Variants in ZMPSTE24 observed in about 807,000 individuals in gnomAD.
ZMPSTE24 encodes the protein zinc metallopeptidase STE24, also known as CAAX prenyl protease 1 homolog.
A neutral mutation model predicts 56.7 loss-of-function variants in ZMPSTE24; 48 were observed. The observed-to-expected ratio is 0.85, with a 90% CI of 0.67 to 1.08. ZMPSTE24 has a LOEUF of 1.08. ZMPSTE24 is among the 50% of genes least tolerant of loss of function. The probability of loss-of-function intolerance (pLI) is 0.00; values close to 1 mark genes in which losing one functional copy is unlikely to be tolerated. For missense variants in ZMPSTE24, 503 were observed against 548.7 expected (o/e 0.92, Z 0.83); for synonymous variants, 172 against 195.2 (o/e 0.88, Z 0.99).
rs1228283894 is a variant in ZMPSTE24 at position 40,293,489 on chromosome 1, A to G, written c.*820A>G. On this transcript the variant is annotated 3_prime_UTR_variant, in exon 10 of 10. Transcript: ENST00000372759. ...TTCACTCAGCAGAGATGGCCATATT[A>G]AACACGTTTTGCTATGTTAAAAGTG... 6.6e-6 allele frequency: 1 copy of G among 152,210 alleles called. No individual in the cohort carries two copies. Among genetic ancestry groups the G allele is most frequent in the Non-Finnish European group, 1.5e-5 (1 of 68,042 alleles). The allele number at this position is 152,210 out of a possible 1,614,324, so 9.4% of individuals were successfully genotyped here.
chr1:40,262,217 G>A (rs1028362034), intron 2 of ZMPSTE24, among the ~76,000 whole-genome samples: 2 of 152,146 alleles, frequency 1.3e-5, no homozygotes, highest in South Asian at 4.1e-4. Context: ...TAACAAGTAT[G>A]GAATAATAAG....
At chr1:40,289,682 G>T (rs973307852) in intron 8 of ZMPSTE24, among the ~76,000 whole-genome samples, 4 of 152,162 alleles carry the variant, frequency 2.6e-5, no homozygotes, top group African/African-American at 9.7e-5. Context: ...CACAGAAAAA[G>T]AATGTTGTGT....
At chr1:40,263,879 A>G (rs149436358) in intron 2 of ZMPSTE24, among the ~76,000 whole-genome samples, 2 of 152,072 alleles carry the variant, frequency 1.3e-5, no homozygotes, top group Non-Finnish European at 2.9e-5. Flanking sequence ...CACTTTCTCT[A>G]ATATCTCACA....
In ZMPSTE24 at chr1:40,267,747, T is replaced by C. The variant is rs373881313; in HGVS notation, c.271-39T>C. On this transcript the variant is annotated intron_variant, in intron 2 of 9. Transcript: ENST00000372759. ...TGCTTTCTCATATGATAGTTTCTAG[T>C]ACTGTTCAACTGTGATCAAAGTATG... 27 of 1,396,974 alleles carry C rather than the reference T, an allele frequency of 1.9e-5. No homozygotes were observed. The African/African-American group carries it at 3.3e-4, about 17-fold the overall frequency. 86.5% of individuals were successfully genotyped at this position (1,396,974 alleles called of 1,614,324 possible). A position where few individuals can be genotyped will look rare whatever the true frequency, so the allele number is the denominator to read the frequency against.
intron 6 of ZMPSTE24, among the ~76,000 whole-genome samples, chr1:40,278,082 C>T (rs1184869558): frequency 1.3e-5 from 2 of 151,284 alleles, no homozygotes; most frequent in Non-Finnish European, 2.9e-5. Context: ...TTCCTGGCAA[C>T]CAAACCAAAA....
rs1253420880 is a variant in ZMPSTE24 at position 40,293,422 on chromosome 1, A to G, written c.*753A>G. ...GGTAGATATGATCCCATTGGAGGTA[A>G]ATTGTAGCTTCTTCTCATTCATGCA... is the stretch of plus-strand genomic sequence containing the variant. On this transcript the variant is annotated 3_prime_UTR_variant, in exon 10 of 10. Transcript: ENST00000372759. 6.6e-6 allele frequency: 1 copy of G among 152,110 alleles called. No individual in the cohort carries two copies. The highest frequency in any genetic ancestry group is 1.5e-5 in the Non-Finnish European group (1 of 68,026). The allele number at this position is 152,110 out of a possible 1,614,324, so 9.4% of individuals were successfully genotyped here.
At chr1:40,284,516 C>T (rs1643765411) in intron 7 of ZMPSTE24, among the ~76,000 whole-genome samples, 2 of 151,976 alleles carry the variant, frequency 1.3e-5, no homozygotes, top group Admixed American at 6.5e-5. Flanking sequence ...CTTTGGGAGG[C>T]CAAGGCAGGT....
intron 4 of ZMPSTE24, among the ~76,000 whole-genome samples, chr1:40,268,849 G>A (rs1010384342): frequency 6.6e-6 from 1 of 151,832 alleles, no homozygotes; most frequent in Non-Finnish European, 1.5e-5. Flanking sequence ...AGGCTGAGGC[G>A]GGTGGATCCC....
At chr1:40,290,439 T>G (rs1262189467) in intron 8 of ZMPSTE24, among the ~76,000 whole-genome samples, 1 of 143,422 alleles carries the variant, frequency 7.0e-6, no homozygotes, top group African/African-American at 2.6e-5. Context: ...TTTCTTAAAA[T>G]CACACTATGA....
chr1:40,291,026 CAT>C, intron 9 of ZMPSTE24, 29 bp downstream of exon 9: 1 of 1,611,962 alleles, frequency 6.2e-7, no homozygotes, highest in Non-Finnish European at 8.5e-7. Context: ...AATTATCACA[CAT>C]ATGCTCTTGC....
chr1:40,272,401 G>A (rs1643622598), intron 6 of ZMPSTE24, among the ~76,000 whole-genome samples: 1 of 152,090 alleles, frequency 6.6e-6, no homozygotes, highest in African/African-American at 2.4e-5. Context: ...TAGTTAAGTT[G>A]GACTCTTGAA....
intron 8 of ZMPSTE24, among the ~76,000 whole-genome samples, chr1:40,287,468 G>A (rs997923933): frequency 7.9e-5 from 12 of 152,004 alleles, no homozygotes; most frequent in African/African-American, 2.9e-4. Context: ...CTTGAGGTCA[G>A]GAGATCGAGA....
At chr1:40,260,548 T>G (rs1643486499) in intron 1 of ZMPSTE24, among the ~76,000 whole-genome samples, 1 of 151,912 alleles carries the variant, frequency 6.6e-6, no homozygotes, top group Admixed American at 6.5e-5. Flanking sequence ...GAATGAGTAG[T>G]ACATGTAACA....
At chr1:40,270,176 G>T in intron 5 of ZMPSTE24, 49 bp downstream of exon 5, 2 of 1,594,718 alleles carry the variant, frequency 1.3e-6, no homozygotes, top group South Asian at 1.1e-5. Flanking sequence ...TCCTTGGTGA[G>T]ATTACTGTAA....
Position 40,270,064 on chromosome 1 carries a change from T to G in ZMPSTE24, c.564T>G (p.Ile188Met). The G allele has an allele frequency of 6.2e-7, 1 of 1,613,898 alleles. No individual in the cohort carries two copies. The highest frequency in any genetic ancestry group is 8.5e-7 in the Non-Finnish European group (1 of 1,179,926). The change falls in exon 5 of 10, where the codon ATT (isoleucine) becomes ATG (methionine). Residue 188 changes from isoleucine (I) to methionine (M), a missense_variant. Physicochemically the swap from Ile to Met is conservative, Grantham distance 10. Transcript: ENST00000372759. ...CTGTGTCTTCACTTCTACTTTACAT[T>G]ATTAAAATTGGGGGTGACTATTTTT... is the stretch of plus-strand genomic sequence containing the variant. The part of the protein sequence containing the change: ...LLPVSSLLLY[I>M]IKIGGDYFFI...
intron 7 of ZMPSTE24, 147 bp from the exon 8 acceptor site, chr1:40,285,777 TC>T: frequency 1.6e-6 from 1 of 629,510 alleles, no homozygotes; most frequent in Non-Finnish European, 2.8e-6. Flanking sequence ...GAGCAGTGGT[TC>T]AGGGAATGTT....
intron 7 of ZMPSTE24, among the ~76,000 whole-genome samples, chr1:40,283,808 C>G (rs1438696430): frequency 4.6e-5 from 7 of 152,080 alleles, no homozygotes; most frequent in Admixed American, 4.6e-4. Context: ...GCTCCTCTTA[C>G]TCGAGTGCTG....
intron 9 of ZMPSTE24, among the ~76,000 whole-genome samples, chr1:40,292,011 T>G (rs1643848984): frequency 6.6e-6 from 1 of 151,900 alleles, no homozygotes; most frequent in South Asian, 2.1e-4. Context: ...CAGCTAATTT[T>G]TGTATTTTTA....
intron 2 of ZMPSTE24, 35 bp from the exon 3 acceptor site, chr1:40,267,751 G>A (rs1286143746): frequency 2.1e-6 from 3 of 1,452,952 alleles, no homozygotes; most frequent in Non-Finnish European, 1.9e-6. Context: ...TTCTAGTACT[G>A]TTCAACTGTG....
Sources: gnomAD v4.1 joint callset for allele counts (sites outside exome capture counted in the v4.1 genomes callset) on GRCh38, gnomAD v4.1.1 for gene constraint, MANE v1.5 for transcripts, NCBI Gene and HGNC (gene_info 2026-07-23, HGNC 2026-07-21) for gene names.